SQLE: variants seen among roughly 807,000 people sequenced by gnomAD.
SQLE encodes the protein squalene monooxygenase.
Under a neutral mutation model 60.7 loss-of-function variants are expected in SQLE, and 29 were observed. The observed-to-expected ratio is 0.48, with a 90% CI of 0.36 to 0.65. The LOEUF (loss-of-function observed/expected upper bound fraction) is 0.65, where lower values mean the gene tolerates loss of function less well. SQLE is among the 30% of genes least tolerant of loss of function. The pLI is 0.00. For synonymous variants in SQLE, 237 were observed against 246.8 expected, an observed-to-expected ratio of 0.96 and a Z score of 0.37; for missense variants, 605 against 684.1, an observed-to-expected ratio of 0.88 and a Z score of 1.29.
chr8:125,001,910 G>A (rs1045585467), intron 1 of SQLE, among the ~76,000 whole-genome samples: 1 of 152,128 alleles, frequency 6.6e-6, no homozygotes, highest in Non-Finnish European at 1.5e-5. Flanking sequence ...GTATTCAAAT[G>A]TGTGAATCCA....
chr8:124,999,661 A>G lies in SQLE; in HGVS notation c.258A>G (p.Glu86=). ...TCTTCTGGGCCAAATCCCCCCCTGA[A>G]TCAGAAAATAAGGAGCAGCTCGAGG... The part of the protein sequence containing the change: ...IGFFWAKSPP[E]SENKEQLEAR... The change falls in exon 1 of 11, where the codon GAA becomes GAG. Residue 86 remains glutamate (E), a synonymous_variant. Coordinates refer to ENST00000265896, the MANE Select transcript of SQLE (RefSeq NM_003129.4). The G allele has an allele frequency of 6.2e-7, 1 of 1,607,672 alleles. No homozygotes were observed. Among genetic ancestry groups the G allele is most frequent in the Non-Finnish European group, 8.5e-7 (1 of 1,176,710 alleles).
intron 7 of SQLE, among the ~76,000 whole-genome samples, chr8:125,015,341 C>A (rs1301565678): frequency 6.6e-6 from 1 of 151,992 alleles, no homozygotes; most frequent in Non-Finnish European, 1.5e-5. Flanking sequence ...TTTTTTAAAT[C>A]CATTCAGCCA....
intron 7 of SQLE, among the ~76,000 whole-genome samples, chr8:125,014,360 C>A (rs1405422410): frequency 1.3e-5 from 2 of 151,990 alleles, no homozygotes; most frequent in African/African-American, 4.8e-5. Flanking sequence ...CTGATTTTAT[C>A]TTTTCAAAGA....
At chr8:125,018,283 A>G in intron 8 of SQLE, 82 bp downstream of exon 8, 4 of 1,416,866 alleles carry the variant, frequency 2.8e-6, no homozygotes, top group Non-Finnish European at 3.9e-6. Flanking sequence ...TGATGGGGAG[A>G]TCTGTACTAA....
chr8:124,999,490 G>T lies in SQLE; in HGVS notation c.87G>T (p.Leu29=), dbSNP rs766990606. The change falls in exon 1 of 11, where the codon CTG becomes CTT. Residue 29 remains leucine, a synonymous_variant. Transcript: ENST00000265896. ...TCACTTTGGCCAACAGGGAGGTCCT[G>T]TTGTGCGTGCTGGTGTTCCTCTCGC... ...DFITLANREV[L]LCVLVFLSLG... The T allele has an allele frequency of 6.2e-7, 1 of 1,603,766 alleles. No homozygotes were observed. The highest frequency in any genetic ancestry group is 1.1e-5 in the South Asian group (1 of 89,834).
chr8:125,010,498 TA>T (rs1225002673), intron 6 of SQLE, among the ~76,000 whole-genome samples: 1 of 152,178 alleles, frequency 6.6e-6, no homozygotes, highest in Non-Finnish European at 1.5e-5. Flanking sequence ...ACATTTTGTT[TA>T]AATATTCCGT....
At chr8:125,015,504 A>G (rs1815097427) in intron 7 of SQLE, among the ~76,000 whole-genome samples, 1 of 152,064 alleles carries the variant, frequency 6.6e-6, no homozygotes. Flanking sequence ...CTCTGGTAGT[A>G]TGTTTTAATT....
chr8:125,019,495 T>A (rs1415596531), intron 9 of SQLE, among the ~76,000 whole-genome samples: 1 of 152,016 alleles, frequency 6.6e-6, no homozygotes, highest in Non-Finnish European at 1.5e-5. Context: ...TATAGCTCAC[T>A]ACAGTGAGCT....
At position 124,998,589 on chromosome 8, in the gene SQLE, G is replaced by T. The variant is rs1288609137; in HGVS notation, c.-815G>T. ...CCGCGCCGCGCTGGCGAGAGCCGCC[G>T]CCCGCGAGGGATGCTGGTGAGGAAG... On this transcript the variant is annotated 5_prime_UTR_variant, in exon 1 of 11. Transcript: ENST00000265896. The T allele has an allele frequency of 5.8e-6, 4 of 685,594 alleles. No homozygotes were observed. In the Admixed American group the frequency reaches 8.3e-5, roughly 14 times the overall value. The allele number at this position is 685,594 out of a possible 1,614,324, so 42.5% of individuals were successfully genotyped here. A position where few individuals can be genotyped will look rare whatever the true frequency, so the allele number is the denominator to read the frequency against.
intron 7 of SQLE, 175 bp from the exon 8 acceptor site, chr8:125,017,884 T>G: frequency 1.4e-6 from 1 of 693,640 alleles, no homozygotes; most frequent in Non-Finnish European, 2.3e-6. Flanking sequence ...CCAACATTGA[T>G]TCAAACAACT....
chr8:125,001,763 T>TA (rs1444930168), intron 1 of SQLE, among the ~76,000 whole-genome samples: 1 of 151,516 alleles, frequency 6.6e-6, no homozygotes, highest in African/African-American at 2.4e-5. Flanking sequence ...AGTAAAGTTC[T>TA]AAAGGATTTT....
At position 125,013,361 on chromosome 8, in the gene SQLE, T is replaced by TC. The variant is rs71295813; in HGVS notation, c.1204+1729_1204+1730insC. Among the ~76,000 whole-genome samples the TC allele has an allele frequency of 7.5e-5, 11 of 146,716 alleles. 2 individuals are homozygous for TC. Among genetic ancestry groups the TC allele is most frequent in the African/African-American group, 2.4e-4 (9 of 38,170 alleles). On this transcript the variant is annotated intron_variant, in intron 7 of 10. Transcript: ENST00000265896. ...TACTCCTATGTTTTCTTTTTCTTTT[T>TC]TTTTTTTTGAGATGGAGTTTCGCTC...
Position 125,009,096 on chromosome 8 carries a change from G to A in SQLE, c.936+12G>A, listed in dbSNP as rs1337036697. 2 of 1,574,398 alleles carry A rather than the reference G, an allele frequency of 1.3e-6. No individual in the cohort carries two copies. The highest frequency in any genetic ancestry group is 1.7e-6 in the Non-Finnish European group (2 of 1,163,146). ...GCTTTCTTATGAAGGTACTGTAGGA[G>A]TGTGTTATTGTAATTTCAATAAAAG... is the stretch of plus-strand genomic sequence containing the variant. On this transcript the variant is annotated intron_variant, in intron 5 of 10. Coordinates refer to ENST00000265896, the MANE Select transcript of SQLE (RefSeq NM_003129.4).
intron 3 of SQLE, among the ~76,000 whole-genome samples, chr8:125,006,999 T>G (rs148101566): frequency 6.6e-5 from 10 of 152,268 alleles, no homozygotes; most frequent in South Asian, 2.1e-4. Flanking sequence ...CACCGTGCCC[T>G]GCCAGAAATA....
chr8:125,012,656 C>A (rs149156905), intron 7 of SQLE, among the ~76,000 whole-genome samples: 19 of 152,338 alleles, frequency 1.2e-4, no homozygotes, highest in African/African-American at 4.1e-4. Flanking sequence ...AGCCATTCAT[C>A]AATTGATAGA....
rs1815150799 is a variant in SQLE, at chr8:125,018,734, G to A, written c.1444+7G>A. 6.4e-7 allele frequency: 1 copy of A among 1,568,270 alleles called. No homozygotes were observed. The highest frequency in any genetic ancestry group is 8.7e-7 in the Non-Finnish European group (1 of 1,153,162). On this transcript the variant is annotated splice_region_variant and intron_variant, in intron 9 of 10. Transcript: ENST00000265896. Reference sequence around the variant, plus strand: ...TTATTTTCTGCCACAGATGGTAAGTGTAGACACTTTTTAGTGAATATTACT... The same window carrying A: ...TTATTTTCTGCCACAGATGGTAAGTATAGACACTTTTTAGTGAATATTACT...
At chr8:124,999,826 A>T in intron 1 of SQLE, 132 bp downstream of exon 1, 1 of 1,137,818 alleles carries the variant, frequency 8.8e-7, no homozygotes, top group South Asian at 1.6e-5. Context: ...TGTATTTTTT[A>T]TTTTAAACTC....
rs1464646139 is a variant in SQLE at position 125,022,061 on chromosome 8, G to A, written c.*116G>A. Reference sequence around the variant, plus strand: ...ACCACTTATAAAGTGGAAACTCTTGGACCAAGATTTGGATTAATTTGTTTT... The same window carrying A: ...ACCACTTATAAAGTGGAAACTCTTGAACCAAGATTTGGATTAATTTGTTTT... On this transcript the variant is annotated 3_prime_UTR_variant, in exon 11 of 11. Coordinates refer to ENST00000265896, the MANE Select transcript of SQLE (RefSeq NM_003129.4). The A allele has an allele frequency of 1.5e-6, 1 of 666,978 alleles. No individual in the cohort carries two copies. The highest frequency in any genetic ancestry group is 4.3e-5 in the Admixed American group (1 of 23,366). The allele number at this position is 666,978 out of a possible 1,614,324, so 41.3% of individuals were successfully genotyped here.
At chr8:125,008,146 A>G (rs1036968299) in intron 4 of SQLE, among the ~76,000 whole-genome samples, 5 of 151,984 alleles carry the variant, frequency 3.3e-5, no homozygotes, top group African/African-American at 1.2e-4. Flanking sequence ...CTGGAGTGCA[A>G]TGGTGCGATC....
Sources: gnomAD v4.1 joint callset for allele counts (sites outside exome capture counted in the v4.1 genomes callset) on GRCh38, gnomAD v4.1.1 for gene constraint, MANE v1.5 for transcripts, NCBI Gene and HGNC (gene_info 2026-07-23, HGNC 2026-07-21) for gene names.